PRKD1: variants seen among roughly 807,000 people sequenced by gnomAD.
PRKD1 encodes the protein serine/threonine-protein kinase D1.
In PRKD1, 63 loss-of-function variants were observed where a neutral mutation model predicts 95.9. The ratio of observed to expected loss-of-function variants is 0.66; its 90% CI spans 0.54 to 0.81. The LOEUF is 0.81. Among genes scored for constraint, PRKD1 ranks in the 30% least tolerant of loss-of-function variants. The pLI is 0.00. For synonymous variants in PRKD1, 425 were observed against 423.1 expected, an observed-to-expected ratio of 1.00 and a Z score of -0.05; for missense variants, 1,048 against 1,165.3, an observed-to-expected ratio of 0.90 and a Z score of 1.47.
intron 1 of PRKD1, among the ~76,000 whole-genome samples, chr14:29,762,073 G>A (rs1888019705): frequency 6.6e-6 from 1 of 152,070 alleles, no homozygotes; most frequent in Non-Finnish European, 1.5e-5. Flanking sequence ...ACTGCACCTG[G>A]CTCTTAACAG....
chr14:29,590,153 T>C lies in PRKD1; in HGVS notation c.2434+7338A>G, dbSNP rs184113909. Among the ~76,000 whole-genome samples, 3 of 152,320 alleles carry C rather than the reference T, an allele frequency of 2.0e-5. No homozygotes were observed. The East Asian group carries it at 5.8e-4, about 29-fold the overall frequency. ...AGTACTGGTCCATATGTTTAGAAAT[T>C]GAAATAAGATAAAACTGGTCTTTAT... On this transcript the variant is annotated intron_variant, in intron 16 of 17. Transcript: ENST00000331968.
At chr14:29,793,169 A>G (rs1318128086) in intron 1 of PRKD1, among the ~76,000 whole-genome samples, 2 of 152,032 alleles carry the variant, frequency 1.3e-5, no homozygotes, top group African/African-American at 4.8e-5. Flanking sequence ...TTGTAGGAGC[A>G]CTATAATTTT....
intron 17 of PRKD1, among the ~76,000 whole-genome samples, chr14:29,577,820 C>T (rs1029779247): frequency 6.6e-6 from 1 of 152,122 alleles, no homozygotes; most frequent in African/African-American, 2.4e-5. Context: ...TAAAGCACAT[C>T]CATATACTTT....
intron 1 of PRKD1, among the ~76,000 whole-genome samples, chr14:29,838,375 G>A (rs935704453): frequency 6.6e-6 from 1 of 152,068 alleles, no homozygotes; most frequent in Non-Finnish European, 1.5e-5. Flanking sequence ...AGCCATAAGT[G>A]CTTCACATCT....
intron 1 of PRKD1, among the ~76,000 whole-genome samples, chr14:29,731,445 G>A (rs192571703): frequency 3.2e-4 from 49 of 152,180 alleles, no homozygotes; most frequent in Admixed American, 7.2e-4. Context: ...ATAAATATCC[G>A]TTAGATTAAG....
At chr14:29,719,900 A>AG (rs985637388) in intron 2 of PRKD1, among the ~76,000 whole-genome samples, 1 of 150,316 alleles carries the variant, frequency 6.7e-6, no homozygotes, top group Non-Finnish European at 1.5e-5. Flanking sequence ...ATGCTCAGAG[A>AG]GGGGAAAAAG....
At chr14:29,746,249 G>C (rs946419027) in intron 1 of PRKD1, among the ~76,000 whole-genome samples, 3 of 152,078 alleles carry the variant, frequency 2.0e-5, no homozygotes, top group Non-Finnish European at 4.4e-5. Flanking sequence ...TAGTTAAGCA[G>C]GGAAAACTGA....
chr14:29,723,622 G>A (rs1340298751), intron 2 of PRKD1, among the ~76,000 whole-genome samples: 2 of 152,060 alleles, frequency 1.3e-5, no homozygotes, highest in South Asian at 2.1e-4. Context: ...GAGTACTGCT[G>A]TCGATGGTTA....
chr14:29,781,711 C>T (rs1389453215), intron 1 of PRKD1, among the ~76,000 whole-genome samples: 1 of 152,206 alleles, frequency 6.6e-6, no homozygotes, highest in Non-Finnish European at 1.5e-5. Context: ...AAAGTAGGGA[C>T]ATTTTGAAAG....
intron 1 of PRKD1, among the ~76,000 whole-genome samples, chr14:29,825,273 A>G (rs1003508204): frequency 1.2e-4 from 18 of 152,152 alleles, no homozygotes; most frequent in African/African-American, 4.3e-4. Flanking sequence ...TTTATTTACA[A>G]TATGATAGAG....
intron 1 of PRKD1, among the ~76,000 whole-genome samples, chr14:29,867,581 A>C (rs1283303792): frequency 2.0e-5 from 3 of 152,240 alleles, no homozygotes; most frequent in African/African-American, 7.2e-5. Flanking sequence ...GCTATGACAA[A>C]GACTCTGAAA....
chr14:29,889,447 G>A (rs755662212), intron 1 of PRKD1, among the ~76,000 whole-genome samples: 14 of 152,150 alleles, frequency 9.2e-5, no homozygotes, highest in Non-Finnish European at 1.6e-4. Context: ...GGGGAGCAAG[G>A]GGCTGGGGGA....
intron 1 of PRKD1, among the ~76,000 whole-genome samples, chr14:29,839,888 G>A (rs1286677851): frequency 6.6e-6 from 1 of 151,990 alleles, no homozygotes; most frequent in Non-Finnish European, 1.5e-5. Flanking sequence ...CACACAGCAT[G>A]GGCTCCCTTG....
At chr14:29,773,591 A>T (rs1594504811) in intron 1 of PRKD1, among the ~76,000 whole-genome samples, 1 of 152,270 alleles carries the variant, frequency 6.6e-6, no homozygotes, top group Non-Finnish European at 1.5e-5. Context: ...TGCTCATCAG[A>T]TCTGTTTGTT....
chr14:29,639,351 G>C lies in PRKD1; in HGVS notation c.697-447C>G, dbSNP rs192955116. Among the ~76,000 whole-genome samples the C allele has an allele frequency of 1.1e-4, 17 of 152,224 alleles. No individual in the cohort carries two copies. In the East Asian group the frequency reaches 2.3e-3, roughly 21 times the overall value. On this transcript the variant is annotated intron_variant, in intron 4 of 17. Transcript: ENST00000331968. ...TGTTTGCCCTACATGGTACTTCATCGAAAAAATGCTGTAATCCCAGCACTT... is the reference window on the plus strand; with the variant it reads ...TGTTTGCCCTACATGGTACTTCATCCAAAAAATGCTGTAATCCCAGCACTT...
At position 29,685,769 on chromosome 14, in the gene PRKD1, T is replaced by C. The variant is rs371603171; in HGVS notation, c.404-19561A>G. Among the ~76,000 whole-genome samples, 8 of 151,894 alleles carry C rather than the reference T, an allele frequency of 5.3e-5. 1 individual carries two copies. The highest frequency in any genetic ancestry group is 1.7e-4 in the African/African-American group (7 of 41,252). On this transcript the variant is annotated intron_variant, in intron 2 of 17. Transcript: ENST00000331968. ...GTGTGTGTGTGTGTACAGTCTTTTC[T>C]ATGCAATACTGGACCAGCTAACTAT...
intron 4 of PRKD1, among the ~76,000 whole-genome samples, chr14:29,648,590 G>A (rs1026537796): frequency 1.3e-5 from 2 of 152,148 alleles, no homozygotes; most frequent in African/African-American, 4.8e-5. Flanking sequence ...CATTTTCCCT[G>A]GGCCTGCCTT....
intron 1 of PRKD1, among the ~76,000 whole-genome samples, chr14:29,881,769 CTCCTTTTTTT>C (rs1893521663): frequency 6.6e-6 from 1 of 152,090 alleles, no homozygotes; most frequent in South Asian, 2.1e-4. Context: ...CCCAAAACTT[CTCCTTTTTTT>C]GTCCTTATCT....
intron 13 of PRKD1, among the ~76,000 whole-genome samples, chr14:29,609,863 A>G (rs1364164369): frequency 1.3e-5 from 2 of 151,494 alleles, no homozygotes; most frequent in Admixed American, 6.6e-5. Context: ...CCGGCCAAAA[A>G]CCATGTATAT....
Sources: gnomAD v4.1 joint callset for allele counts (sites outside exome capture counted in the v4.1 genomes callset) on GRCh38, gnomAD v4.1.1 for gene constraint, MANE v1.5 for transcripts, NCBI Gene and HGNC (gene_info 2026-07-23, HGNC 2026-07-21) for gene names.